GALNT16: variants seen among roughly 807,000 people sequenced by gnomAD.
GALNT16 encodes polypeptide N-acetylgalactosaminyltransferase 16.
GALNT16 carries 40 observed loss-of-function variants against 76.1 expected under a neutral mutation model. The observed-to-expected ratio is 0.53, with a 90% CI of 0.41 to 0.68. The LOEUF (loss-of-function observed/expected upper bound fraction) is 0.68, where lower values mean the gene tolerates loss of function less well. Ranked by LOEUF, GALNT16 falls within the 30% of genes least tolerant of loss-of-function variation. The pLI, the probability that GALNT16 is intolerant of heterozygous loss-of-function variation, is 0.00. For synonymous variants in GALNT16, 276 were observed against 285.2 expected (o/e 0.97, Z 0.32); for missense variants, 621 against 731.9 (o/e 0.85, Z 1.75).
At chr14:69,345,697 G>A (rs913884096) in intron 12 of GALNT16, among the ~76,000 whole-genome samples, 1 of 57,638 alleles carries the variant, frequency 1.7e-5, no homozygotes, top group Non-Finnish European at 4.7e-5. Context: ...TTACCCATAA[G>A]GTGTCAGTGT....
chr14:69,334,862 T>C (rs531794746), intron 9 of GALNT16, among the ~76,000 whole-genome samples: 1 of 151,862 alleles, frequency 6.6e-6, no homozygotes, highest in East Asian at 1.9e-4. Context: ...GGGAGCACCA[T>C]TCTGGGGGTC....
intron 5 of GALNT16, among the ~76,000 whole-genome samples, chr14:69,326,738 C>A (rs1339869046): frequency 6.6e-6 from 1 of 152,212 alleles, no homozygotes; most frequent in Non-Finnish European, 1.5e-5. Context: ...TTCCTGAGGT[C>A]TCCTCCCCTG....
intron 11 of GALNT16, among the ~76,000 whole-genome samples, chr14:69,341,041 A>G (rs1249036251): frequency 6.6e-6 from 1 of 152,194 alleles, no homozygotes; most frequent in African/African-American, 2.4e-5. Context: ...TCTTGTAATG[A>G]GGAACTAACA....
chr14:69,314,215 A>G (rs2045068779), intron 1 of GALNT16, among the ~76,000 whole-genome samples: 1 of 152,270 alleles, frequency 6.6e-6, no homozygotes, highest in Non-Finnish European at 1.5e-5. Context: ...AGTTAATAAT[A>G]ATAATCACAA....
intron 9 of GALNT16, among the ~76,000 whole-genome samples, chr14:69,334,842 G>A (rs563788928): frequency 9.2e-5 from 14 of 152,228 alleles, no homozygotes; most frequent in Non-Finnish European, 1.9e-4. Flanking sequence ...ACGTGGAGAC[G>A]GGGGCGGTGG....
the GALNT16 span, among the ~76,000 whole-genome samples, chr14:69,384,008 T>C: frequency 6.6e-6 from 1 of 152,122 alleles, no homozygotes; most frequent in Non-Finnish European, 1.5e-5. Context: ...TAAAGTCTAG[T>C]ACAAAGTTAG....
At chr14:69,306,981 C>A (rs1277934688) in intron 1 of GALNT16, among the ~76,000 whole-genome samples, 2 of 152,170 alleles carry the variant, frequency 1.3e-5, no homozygotes, top group African/African-American at 4.8e-5. Flanking sequence ...TCACAGAGGA[C>A]CCTCAACCTC....
rs559604813 is a variant in GALNT16, at chr14:69,299,033, A to T, written c.178-21678A>T. Among the ~76,000 whole-genome samples, 5 of 152,364 alleles carry T rather than the reference A, an allele frequency of 3.3e-5. No homozygotes were observed. In the South Asian group the frequency reaches 1.0e-3, roughly 32 times the overall value. ...TGCTGAGAACAACTGGACAATTTGG[A>T]TGAAGCATAAGAAACATCTGTGTGC... On this transcript the variant is annotated intron_variant, in intron 1 of 14. Coordinates refer to ENST00000448469, the MANE Select transcript of GALNT16 (RefSeq NM_001168368.2).
chr14:69,343,187 G>A (rs1454687199), intron 12 of GALNT16, among the ~76,000 whole-genome samples: 4 of 152,268 alleles, frequency 2.6e-5, no homozygotes, highest in South Asian at 2.1e-4. Flanking sequence ...GTGTCCCACC[G>A]CTGCCAGCTT....
chr14:69,346,662 C>T (rs1031481960), intron 12 of GALNT16, among the ~76,000 whole-genome samples: 2 of 152,244 alleles, frequency 1.3e-5, no homozygotes, highest in African/African-American at 2.4e-5. Context: ...AAAGCGCTCC[C>T]TTCCCTGTCA....
intron 1 of GALNT16, among the ~76,000 whole-genome samples, chr14:69,282,650 CTATTTATT>C (rs34689381): frequency 6.0e-4 from 88 of 147,344 alleles, no homozygotes; most frequent in African/African-American, 1.6e-3. Context: ...AGAATTTGTC[CTATTTATT>C]TATTTATTTA....
chr14:69,343,438 T>A (rs893317821), intron 12 of GALNT16, among the ~76,000 whole-genome samples: 1 of 152,226 alleles, frequency 6.6e-6, no homozygotes, highest in African/African-American at 2.4e-5. Context: ...TAGGAGCAAT[T>A]TCCAAGAAGT....
At chr14:69,323,406 G>A (rs2045232048) in intron 2 of GALNT16, among the ~76,000 whole-genome samples, 1 of 152,222 alleles carries the variant, frequency 6.6e-6, no homozygotes, top group African/African-American at 2.4e-5. Context: ...CCCTTCAGAT[G>A]GGGTGTGGGT....
In GALNT16 at chr14:69,347,758, A is replaced by G. The variant is rs1046989665; in HGVS notation, c.1414-119A>G. On this transcript the variant is annotated intron_variant, in intron 13 of 14. Transcript: ENST00000448469. Reference sequence around the variant, plus strand: ...TACCCATACATCTACCCTAGCTCCTACAATTATTTGTAGAAATCTTACAAA... The same window carrying G: ...TACCCATACATCTACCCTAGCTCCTGCAATTATTTGTAGAAATCTTACAAA... 5.6e-6 allele frequency: 6 copies of G among 1,072,050 alleles called. No individual in the cohort carries two copies. In the Admixed American group the frequency reaches 9.4e-5, roughly 17 times the overall value. The allele number at this position is 1,072,050 out of a possible 1,614,324, so 66.4% of individuals were successfully genotyped here. A position where few individuals can be genotyped will look rare whatever the true frequency, so the allele number is the denominator to read the frequency against.
At chr14:69,380,411 C>T in the GALNT16 span, 4 of 518,014 alleles carry the variant, frequency 7.7e-6, no homozygotes, top group African/African-American at 1.9e-5. Flanking sequence ...TCATCTAATA[C>T]AGTCAATCTT....
At position 69,347,130 on chromosome 14, in the gene GALNT16, G is replaced by T; in HGVS notation, c.1362G>T (p.Leu454=). The T allele has an allele frequency of 1.2e-6, 2 of 1,613,826 alleles. No homozygotes were observed. Among genetic ancestry groups the T allele is most frequent in the Non-Finnish European group, 1.7e-6 (2 of 1,179,864 alleles). The change falls in exon 13 of 15, where the codon CTG becomes CTT. Residue 454 remains leucine (L), a synonymous_variant. Coordinates refer to ENST00000448469, the MANE Select transcript of GALNT16 (RefSeq NM_001168368.2). ...GCCAGAACACAGCTGGTGACTTCCT[G>T]CTTGGAATGGGGATCTGCAGAGGGT... ...SQGQNTAGDF[L]LGMGICRGSA... is the part of the protein sequence containing the mutation.
intron 1 of GALNT16, among the ~76,000 whole-genome samples, chr14:69,274,347 A>G (rs1005854775): frequency 2.0e-5 from 3 of 152,148 alleles, no homozygotes; most frequent in Non-Finnish European, 2.9e-5. Context: ...TCACCCCAAA[A>G]CTTAATGACT....
chr14:69,319,357 C>T (rs139240436), intron 1 of GALNT16, among the ~76,000 whole-genome samples: 29 of 152,342 alleles, frequency 1.9e-4, no homozygotes, highest in Middle Eastern at 3.4e-3. Flanking sequence ...TTCCACACAG[C>T]GATCCACTCC....
At chr14:69,370,245 T>C in the GALNT16 span, among the ~76,000 whole-genome samples, 1 of 152,206 alleles carries the variant, frequency 6.6e-6, no homozygotes, top group East Asian at 1.9e-4. Context: ...ACCTCGGGCT[T>C]CCTTGCAAGC....
Sources: gnomAD v4.1 joint callset for allele counts (sites outside exome capture counted in the v4.1 genomes callset) on GRCh38, gnomAD v4.1.1 for gene constraint, MANE v1.5 for transcripts, NCBI Gene and HGNC (gene_info 2026-07-23, HGNC 2026-07-21) for gene names.